Variants in FAT4 observed in about 807,000 individuals in gnomAD.
FAT4 encodes the protein FAT atypical cadherin 4, also known as protocadherin Fat 4.
Under a neutral mutation model 303.9 loss-of-function variants are expected in FAT4, and 84 were observed. That is an observed-to-expected ratio of 0.28 (90% confidence interval 0.23 to 0.33). The LOEUF is 0.33. Among genes scored for constraint, FAT4 ranks in the 10% least tolerant of loss-of-function variants. FAT4 has a pLI of 1.00. For synonymous variants in FAT4, 2,307 were observed against 2,298.8 expected (o/e 1.00, Z -0.10); for missense variants, 6,005 against 6,146.8 (o/e 0.98, Z 0.77).
At chr4:125,389,191 A>C (rs2126005024) in intron 2 of FAT4, among the ~76,000 whole-genome samples, 1 of 152,234 alleles carries the variant, frequency 6.6e-6, no homozygotes, top group African/African-American at 2.4e-5. Flanking sequence ...TGTGAAGTAA[A>C]TGCCCAGATA....
chr4:125,458,790 T>A (rs1425607048), intron 10 of FAT4, among the ~76,000 whole-genome samples: 1 of 151,944 alleles, frequency 6.6e-6, no homozygotes, highest in Non-Finnish European at 1.5e-5. Context: ...AAAAACTTTT[T>A]TTGGTTGTTG....
chr4:125,463,510 G>T (rs1726552701), intron 10 of FAT4, 53 bp from the exon 11 acceptor site: 1 of 1,087,936 alleles, frequency 9.2e-7, no homozygotes. Flanking sequence ...GTGTAACGGT[G>T]TTAATATATT....
rs1217151038 is a variant in FAT4 at position 125,431,265 on chromosome 4, C to A, written c.7019-2980C>A. Among the ~76,000 whole-genome samples, 4 of 152,126 alleles carry A rather than the reference C, an allele frequency of 2.6e-5. No homozygotes were observed. In the East Asian group the frequency reaches 7.7e-4, roughly 29 times the overall value. ...ATGTGTATATCAGAAATATTCAGAT[C>A]TTTCTTGAAATCTCACTGTAAGTCT... On this transcript the variant is annotated intron_variant, in intron 7 of 17. Coordinates refer to ENST00000394329, the MANE Select transcript of FAT4 (RefSeq NM_001291303.3).
chr4:125,325,619 G>A (rs1396159303), intron 2 of FAT4, among the ~76,000 whole-genome samples: 1 of 152,196 alleles, frequency 6.6e-6, no homozygotes, highest in East Asian at 1.9e-4. Context: ...CCTAGGTACA[G>A]AGTAATGGGT....
At chr4:125,464,582 A>G (rs1296496262) in intron 11 of FAT4, among the ~76,000 whole-genome samples, 2 of 151,554 alleles carry the variant, frequency 1.3e-5, no homozygotes, top group East Asian at 1.9e-4. Flanking sequence ...GGTTTGTTAC[A>G]TATGTATACA....
At chr4:125,479,957 TG>T (rs1727166706) in intron 15 of FAT4, 92 bp downstream of exon 15, 1 of 981,330 alleles carries the variant, frequency 1.0e-6, no homozygotes, top group African/African-American at 1.7e-5. Flanking sequence ...TTAAAAATTA[TG>T]CTTTCATTCT....
chr4:125,395,610 C>T lies in FAT4; in HGVS notation c.5176-3174C>T, dbSNP rs762521634. Among the ~76,000 whole-genome samples, 28 of 152,234 alleles carry T rather than the reference C, an allele frequency of 1.8e-4. No homozygotes were observed. In the East Asian group the frequency reaches 2.5e-3, roughly 14 times the overall value. ...TTGGGATTACAGGTGTGAACCACCG[C>T]GCCCGGCCATTATTCACTTTTAGAA... On this transcript the variant is annotated intron_variant, in intron 2 of 17. Coordinates refer to ENST00000394329, the MANE Select transcript of FAT4 (RefSeq NM_001291303.3).
intron 2 of FAT4, among the ~76,000 whole-genome samples, chr4:125,379,528 C>T (rs865983162): frequency 1.3e-5 from 2 of 151,828 alleles, no homozygotes; most frequent in Non-Finnish European, 2.9e-5. Context: ...TGTGCAATCT[C>T]GGCTCACTGT....
At position 125,490,124 on chromosome 4, in the gene FAT4, G is replaced by A. The variant is rs763876721; in HGVS notation, c.13308G>A (p.Pro4436=). 37 of 1,613,868 alleles carry A rather than the reference G, an allele frequency of 2.3e-5. No individual in the cohort carries two copies. The highest frequency in any genetic ancestry group is 6.7e-5 in the Admixed American group (4 of 59,972). Residue 4436 remains proline, a synonymous_variant, in exon 18 of 18, where the codon CCG becomes CCA. Coordinates refer to ENST00000394329, the MANE Select transcript of FAT4 (RefSeq NM_001291303.3). The part of the protein sequence containing the change: ...CVPPGDCASH[P]CQNGGSCEPG... Reference sequence around the variant, plus strand: ...CTCCTGGGGACTGTGCCTCCCACCCGTGCCAGAATGGTGGCAGCTGTGAGC... The same window carrying A: ...CTCCTGGGGACTGTGCCTCCCACCCATGCCAGAATGGTGGCAGCTGTGAGC...
At chr4:125,360,652 A>G (rs975283893) in intron 2 of FAT4, among the ~76,000 whole-genome samples, 1 of 152,118 alleles carries the variant, frequency 6.6e-6, no homozygotes, top group African/African-American at 2.4e-5. Flanking sequence ...TAATTACAAT[A>G]AACCTATGCT....
intron 8 of FAT4, among the ~76,000 whole-genome samples, chr4:125,442,831 A>G (rs539247049): frequency 6.6e-6 from 1 of 152,134 alleles, no homozygotes; most frequent in Non-Finnish European, 1.5e-5. Flanking sequence ...CGTTATACAT[A>G]TATATTATAT....
In FAT4 at chr4:125,316,982, C is replaced by G. The variant is rs1253915890; in HGVS notation, c.571C>G (p.Leu191Val). 6.2e-7 allele frequency: 1 copy of G among 1,614,010 alleles called. No individual in the cohort carries two copies. Among genetic ancestry groups the G allele is most frequent in the Non-Finnish European group, 8.5e-7 (1 of 1,180,032 alleles). Reference sequence around the variant, plus strand: ...GGGGCGCTTCCGTCTGGACATCACCCTGAACCCGAGCGGCGAGGGAGCGTT... The same window carrying G: ...GGGGCGCTTCCGTCTGGACATCACCGTGAACCCGAGCGGCGAGGGAGCGTT... Reference protein sequence around the residue: ...EAGRFRLDITLNPSGEGAFLH... With the variant: ...EAGRFRLDITVNPSGEGAFLH... The change falls in exon 2 of 18, where the codon CTG becomes GTG. Residue 191 changes from leucine to valine, a missense_variant. Physicochemically the swap from Leu to Val is conservative, Grantham distance 32 (BLOSUM62 1). Coordinates refer to ENST00000394329, the MANE Select transcript of FAT4 (RefSeq NM_001291303.3). This position sits in a 1 kb window ranked among gnomAD's most constrained non-coding sequence, Gnocchi z 5.7.
chr4:125,359,331 G>A (rs1477846763), intron 2 of FAT4, among the ~76,000 whole-genome samples: 1 of 152,082 alleles, frequency 6.6e-6, no homozygotes, highest in Non-Finnish European at 1.5e-5. Context: ...AATGGATGTT[G>A]TTGTTTTCCT....
chr4:125,406,803 A>G, intron 3 of FAT4, 77 bp from the exon 4 acceptor site: 4 of 1,499,498 alleles, frequency 2.7e-6, no homozygotes, highest in Non-Finnish European at 3.6e-6. Flanking sequence ...CCTTTGTCAA[A>G]TACATGTTCA....
At chr4:125,488,518 G>T (rs1041870632) in intron 17 of FAT4, among the ~76,000 whole-genome samples, 1 of 152,256 alleles carries the variant, frequency 6.6e-6, no homozygotes, top group South Asian at 2.1e-4. Flanking sequence ...GAAAGAAATG[G>T]ATAGGCAAGA....
chr4:125,468,726 T>A lies in FAT4; in HGVS notation c.12120T>A (p.Ser4040=). Residue 4040 remains serine, a synonymous_variant, in exon 12 of 18, where the codon TCT becomes TCA. Transcript: ENST00000394329. ...TTGCCGAAGAAAGACTAAGATTCTC[T>A]TATAATTTAGGCAGTGGTACATATA... The part of the protein sequence containing the change: ...LEIAEERLRF[S]YNLGSGTYKL... 1 of 1,614,176 alleles carries A rather than the reference T, an allele frequency of 6.2e-7. No individual in the cohort carries two copies. Among genetic ancestry groups the A allele is most frequent in the Non-Finnish European group, 8.5e-7 (1 of 1,180,018 alleles).
rs1324162666 is a variant in FAT4 at position 125,321,269 on chromosome 4, A to T, written c.4858A>T (p.Ile1620Phe). The change falls in exon 2 of 18, where the codon ATT becomes TTT. Residue 1620 changes from isoleucine to phenylalanine, a missense_variant. Ile to Phe is a conservative substitution (Grantham distance 21). Coordinates refer to ENST00000394329, the MANE Select transcript of FAT4 (RefSeq NM_001291303.3). The part of the protein sequence containing the change: ...RRKSTTELTI[I>F]LQGLDGPVFT... ...GAAATCGACCACTGAATTGACCATC[A>T]TTCTTCAGGGCCTTGATGGACCTGT... The T allele has an allele frequency of 6.2e-7, 1 of 1,613,974 alleles. No homozygotes were observed. Among genetic ancestry groups the T allele is most frequent in the East Asian group, 2.2e-5 (1 of 44,882 alleles).
At chr4:125,334,070 G>A (rs187036288) in intron 2 of FAT4, among the ~76,000 whole-genome samples, 46 of 152,036 alleles carry the variant, frequency 3.0e-4, no homozygotes, top group African/African-American at 1.1e-3. Context: ...ACACTTAGTT[G>A]GCAGAGGAGT....
intron 12 of FAT4, among the ~76,000 whole-genome samples, chr4:125,475,567 A>G (rs1726998708): frequency 6.6e-6 from 1 of 152,152 alleles, no homozygotes; most frequent in Admixed American, 6.6e-5. Context: ...TCCTGATTAT[A>G]CAGAAATATG....
Sources: allele counts gnomAD v4.1 joint callset (sites outside exome capture counted in the v4.1 genomes callset), GRCh38; gene constraint gnomAD v4.1.1; non-coding constraint Gnocchi (gnomAD v3.1); transcripts MANE v1.5; gene names NCBI Gene and HGNC (gene_info 2026-07-23, HGNC 2026-07-21).